CNTNAP5: variants seen among roughly 807,000 people sequenced by gnomAD.
CNTNAP5 encodes the protein contactin-associated protein-like 5.
In CNTNAP5, 72 loss-of-function variants were observed where a neutral mutation model predicts 150.2. The ratio of observed to expected loss-of-function variants is 0.48; its 90% CI spans 0.40 to 0.58. The LOEUF (loss-of-function observed/expected upper bound fraction) is 0.58. CNTNAP5 is among the 20% of genes least tolerant of loss of function. The pLI, the probability that CNTNAP5 is intolerant of heterozygous loss-of-function variation, is 0.00. For synonymous variants in CNTNAP5, 672 were observed against 619.8 expected (o/e 1.08, Z -1.25); for missense variants, 1,636 against 1,626.2 (o/e 1.01, Z -0.10).
intron 10 of CNTNAP5, among the ~76,000 whole-genome samples, chr2:124,554,145 A>G (rs1056602976): frequency 6.6e-6 from 1 of 152,100 alleles, no homozygotes; most frequent in Non-Finnish European, 1.5e-5. Context: ...TTATAAATCT[A>G]GCAGGTCTTA....
intron 12 of CNTNAP5, among the ~76,000 whole-genome samples, chr2:124,621,883 T>A (rs1677621821): frequency 6.6e-6 from 1 of 152,262 alleles, no homozygotes; most frequent in South Asian, 2.1e-4. Context: ...TTACGTGATT[T>A]GTATCTGTAA....
At chr2:124,289,366 A>G (rs1688228633) in intron 3 of CNTNAP5, among the ~76,000 whole-genome samples, 1 of 152,212 alleles carries the variant, frequency 6.6e-6, no homozygotes, top group South Asian at 2.1e-4. Context: ...TCAGCTGTCT[A>G]AAGAAAGAGT....
chr2:124,833,141 C>T (rs954166714), intron 19 of CNTNAP5, among the ~76,000 whole-genome samples: 1 of 152,100 alleles, frequency 6.6e-6, no homozygotes, highest in Non-Finnish European at 1.5e-5. Context: ...AACTCCTGAG[C>T]TCAAGAGATC....
rs549023096 is a variant in CNTNAP5 at position 124,246,790 on chromosome 2, A to C, written c.381+4397A>C. Among the ~76,000 whole-genome samples the C allele has an allele frequency of 2.0e-5, 3 of 152,168 alleles. No homozygotes were observed. In the South Asian group the frequency reaches 6.2e-4, roughly 32 times the overall value. ...GTCCCCACATCCTCAGCTATTCATC[A>C]CATAGCTCATGTCAGTCCCCTTCTC... On this transcript the variant is annotated intron_variant, in intron 3 of 23. Coordinates refer to ENST00000682447, the MANE Select transcript of CNTNAP5 (RefSeq NM_001367498.1).
At chr2:124,490,444 G>T (rs1558924904) in intron 7 of CNTNAP5, among the ~76,000 whole-genome samples, 1 of 151,694 alleles carries the variant, frequency 6.6e-6, no homozygotes, top group South Asian at 2.1e-4. Context: ...GAAAGGGAAA[G>T]AGAAAGAAAG....
intron 3 of CNTNAP5, among the ~76,000 whole-genome samples, chr2:124,261,026 A>C (rs1405565631): frequency 6.6e-6 from 1 of 152,140 alleles, no homozygotes; most frequent in Non-Finnish European, 1.5e-5. Context: ...GTGGAAATAC[A>C]CCTCAAATTT....
chr2:124,367,748 G>A (rs181139993), intron 3 of CNTNAP5, among the ~76,000 whole-genome samples: 5 of 152,260 alleles, frequency 3.3e-5, no homozygotes, highest in East Asian at 3.9e-4. Flanking sequence ...GCTCCCTGAC[G>A]TGAAGGAAAA....
At chr2:124,043,278 C>T (rs529204556) in intron 1 of CNTNAP5, among the ~76,000 whole-genome samples, 88 of 152,256 alleles carry the variant, frequency 5.8e-4, no homozygotes, top group African/African-American at 2.0e-3. Flanking sequence ...ACTTAACCTC[C>T]TAAGTGAAGA....
chr2:124,884,645 A>T (rs1225715185), intron 21 of CNTNAP5, among the ~76,000 whole-genome samples: 1 of 152,010 alleles, frequency 6.6e-6, no homozygotes, highest in Admixed American at 6.6e-5. Flanking sequence ...CTATAAAAAA[A>T]ACTTTCCCAT....
intron 3 of CNTNAP5, among the ~76,000 whole-genome samples, chr2:124,408,257 C>A (rs1042363706): frequency 1.3e-5 from 2 of 152,164 alleles, no homozygotes; most frequent in Non-Finnish European, 2.9e-5. Flanking sequence ...TCGCTGATTG[C>A]TAGCACAGCA....
chr2:124,653,583 C>T (rs1445919892), intron 13 of CNTNAP5, among the ~76,000 whole-genome samples: 2 of 152,002 alleles, frequency 1.3e-5, no homozygotes, highest in Non-Finnish European at 2.9e-5. Context: ...TGTTTATTTG[C>T]AATATTCCCC....
At chr2:124,257,856 C>A (rs1016527389) in intron 3 of CNTNAP5, among the ~76,000 whole-genome samples, 2 of 152,080 alleles carry the variant, frequency 1.3e-5, no homozygotes, top group African/African-American at 4.8e-5. Context: ...ATGGAGTAAA[C>A]ATTCAATAGT....
chr2:124,108,100 T>A (rs771312012), intron 1 of CNTNAP5, among the ~76,000 whole-genome samples: 2 of 152,230 alleles, frequency 1.3e-5, no homozygotes, highest in Non-Finnish European at 2.9e-5. Context: ...AGCAGAGCGA[T>A]GGCTGTCTGT....
intron 3 of CNTNAP5, among the ~76,000 whole-genome samples, chr2:124,250,784 C>A: frequency 6.7e-6 from 1 of 149,936 alleles, no homozygotes; most frequent in African/African-American, 2.5e-5. Flanking sequence ...TCAACAAAAC[C>A]AAGAATCTCT....
At chr2:124,665,111 A>G (rs1393099653) in intron 13 of CNTNAP5, among the ~76,000 whole-genome samples, 1 of 152,208 alleles carries the variant, frequency 6.6e-6, no homozygotes, top group Admixed American at 6.5e-5. Context: ...CAAAAACAGG[A>G]AAAAAAGAAA....
At chr2:124,299,887 T>G (rs1446081794) in intron 3 of CNTNAP5, among the ~76,000 whole-genome samples, 1 of 152,192 alleles carries the variant, frequency 6.6e-6, no homozygotes, top group Non-Finnish European at 1.5e-5. Context: ...GAAGGACTAA[T>G]GGATGTGTTA....
chr2:124,670,715 C>T (rs933642760), intron 13 of CNTNAP5, among the ~76,000 whole-genome samples: 3 of 150,702 alleles, frequency 2.0e-5, no homozygotes, highest in African/African-American at 7.4e-5. Context: ...TGTTGTTCCC[C>T]TGATTGCAAA....
rs184503364 is a variant in CNTNAP5 at position 124,388,866 on chromosome 2, A to T, written c.382-28577A>T. ...CGGCTAATTTTTGTATTTTTAGGAG[A>T]GGCAACGTTTCACCATGTTGACCAG... On this transcript the variant is annotated intron_variant, in intron 3 of 23. Transcript: ENST00000682447. 1.6e-3 allele frequency among the ~76,000 whole-genome samples: 250 copies of T among 151,992 alleles called. 1 individual carries two copies. The highest frequency in any genetic ancestry group is 2.6e-3 in the Non-Finnish European group (175 of 67,970).
chr2:124,753,301 TTGGTTC>T (rs1177471117), intron 14 of CNTNAP5, among the ~76,000 whole-genome samples: 1 of 152,204 alleles, frequency 6.6e-6, no homozygotes, highest in Non-Finnish European at 1.5e-5. Context: ...TACTTACTCT[TTGGTTC>T]TACTTTTCTG....
Sources: allele counts gnomAD v4.1 joint callset (sites outside exome capture counted in the v4.1 genomes callset), GRCh38; gene constraint gnomAD v4.1.1; transcripts MANE v1.5; gene names NCBI Gene and HGNC (gene_info 2026-07-23, HGNC 2026-07-21).